PSMA8: variants seen among roughly 807,000 people sequenced by gnomAD.
The protein encoded by PSMA8 is proteasome 20S subunit alpha 8.
A neutral mutation model predicts 32.4 loss-of-function variants in PSMA8; 18 were observed. The ratio of observed to expected loss-of-function variants is 0.56; its 90% CI spans 0.38 to 0.82. The LOEUF (loss-of-function observed/expected upper bound fraction) is 0.82. PSMA8 is among the 40% of genes least tolerant of loss of function. The pLI, the probability that PSMA8 is intolerant of heterozygous loss-of-function variation, is 0.00. For missense variants in PSMA8, 298 were observed against 300.7 expected (o/e 0.99, Z 0.07); for synonymous variants, 104 against 98.1 (o/e 1.06, Z -0.36).
At chr18:26,169,958 A>C (rs1293974348) in intron 4 of PSMA8, among the ~76,000 whole-genome samples, 4 of 98,246 alleles carry the variant, frequency 4.1e-5, no homozygotes, top group Non-Finnish European at 6.9e-5. Context: ...CTTGCTATAG[A>C]GCAGCTGGAC....
At chr18:26,180,695 GACACACACACACAC>G (rs45627236) in intron 6 of PSMA8, among the ~76,000 whole-genome samples, 2 of 143,356 alleles carry the variant, frequency 1.4e-5, no homozygotes, top group African/African-American at 2.5e-5. Context: ...TATAAAAATA[GACACACACACACAC>G]ACACACACAC....
At chr18:26,156,190 C>T (rs556065517) in intron 3 of PSMA8, among the ~76,000 whole-genome samples, 3 of 152,268 alleles carry the variant, frequency 2.0e-5, no homozygotes, top group South Asian at 2.1e-4. Flanking sequence ...AACTCCCATA[C>T]GCTGTTGGTG....
At position 26,170,691 on chromosome 18, in the gene PSMA8, G is replaced by A. The variant is rs1193227583; in HGVS notation, c.478-8139G>A. 3.0e-5 allele frequency: 41 copies of A among 1,372,934 alleles called. 1 individual carries two copies. The highest frequency in any genetic ancestry group is 8.2e-5 in the African/African-American group (3 of 36,390). 85.0% of individuals were successfully genotyped at this position (1,372,934 alleles called of 1,614,324 possible). On this transcript the variant is annotated intron_variant, in intron 4 of 6. Transcript: ENST00000415576. ...AATACATACTTTTTTCAGAGGGAGG[G>A]GGAACAACTTAAACTAGAAAACACC...
At chr18:26,162,373 T>C (rs541475869) in intron 4 of PSMA8, among the ~76,000 whole-genome samples, 1 of 148,644 alleles carries the variant, frequency 6.7e-6, no homozygotes, top group African/African-American at 2.4e-5. Flanking sequence ...ATGAGTTCAT[T>C]TTTTTTTTTT....
At chr18:26,185,943 A>T (rs1437774747) in intron 6 of PSMA8, among the ~76,000 whole-genome samples, 8 of 150,402 alleles carry the variant, frequency 5.3e-5, no homozygotes, top group African/African-American at 2.0e-4. Flanking sequence ...CAGTGAAGTG[A>T]TCAAAAATGG....
intron 3 of PSMA8, among the ~76,000 whole-genome samples, 196 bp from the exon 4 acceptor site, chr18:26,157,926 G>A (rs1054773449): frequency 1.3e-5 from 2 of 152,142 alleles, no homozygotes; most frequent in African/African-American, 4.8e-5. Context: ...TGATTTTATT[G>A]TATAGACTGT....
chr18:26,143,249 T>C (rs1010143835), intron 1 of PSMA8, among the ~76,000 whole-genome samples: 4 of 152,220 alleles, frequency 2.6e-5, no homozygotes, highest in Non-Finnish European at 4.4e-5. Context: ...GTTTTCTCCA[T>C]GTACTCCAAT....
intron 4 of PSMA8, among the ~76,000 whole-genome samples, chr18:26,165,776 C>T (rs981317513): frequency 6.6e-6 from 1 of 152,038 alleles, no homozygotes; most frequent in African/African-American, 2.4e-5. Context: ...ATTTGACCTG[C>T]CAGATTTGCT....
chr18:26,171,383 C>T (rs2055219658), intron 4 of PSMA8: 1 of 1,256,810 alleles, frequency 8.0e-7, no homozygotes, highest in Non-Finnish European at 1.1e-6. Context: ...ACATACCAAG[C>T]AGACTAATAT....
intron 3 of PSMA8, among the ~76,000 whole-genome samples, chr18:26,153,649 T>C (rs558756048): frequency 4.5e-4 from 68 of 152,338 alleles, no homozygotes; most frequent in African/African-American, 1.6e-3. Flanking sequence ...TCTTTTGACA[T>C]GTACTCAAGT....
intron 4 of PSMA8, among the ~76,000 whole-genome samples, chr18:26,162,558 A>G (rs1371196985): frequency 3.3e-5 from 5 of 152,160 alleles, no homozygotes; most frequent in African/African-American, 1.2e-4. Flanking sequence ...TTTTTAATGC[A>G]TAGCTAAATA....
intron 6 of PSMA8, among the ~76,000 whole-genome samples, chr18:26,182,208 A>G (rs1361401770): frequency 6.6e-6 from 1 of 152,252 alleles, no homozygotes; most frequent in Non-Finnish European, 1.5e-5. Context: ...CAAGTTATCC[A>G]GAAGATCTAG....
intron 4 of PSMA8, among the ~76,000 whole-genome samples, chr18:26,160,213 A>G (rs1370771741): frequency 6.6e-6 from 1 of 152,182 alleles, no homozygotes; most frequent in Non-Finnish European, 1.5e-5. Context: ...GCTAATGTGG[A>G]AGGATCACTT....
At chr18:26,173,466 T>C (rs529906561) in intron 4 of PSMA8, among the ~76,000 whole-genome samples, 2 of 152,298 alleles carry the variant, frequency 1.3e-5, no homozygotes, top group African/African-American at 4.8e-5. Flanking sequence ...ACTAATGTAC[T>C]GTTTATTTTA....
chr18:26,192,431 G>T lies in PSMA8; in HGVS notation c.*20G>T. 1.3e-6 allele frequency: 2 copies of T among 1,517,972 alleles called. No individual in the cohort carries two copies. The highest frequency in any genetic ancestry group is 1.4e-5 in the South Asian group (1 of 72,960). The allele number at this position is 1,517,972 out of a possible 1,614,324, so 94.0% of individuals were successfully genotyped here. A position where few individuals can be genotyped will look rare whatever the true frequency, so the allele number is the denominator to read the frequency against. On this transcript the variant is annotated 3_prime_UTR_variant, in exon 7 of 7. Coordinates refer to ENST00000415576, the MANE Select transcript of PSMA8 (RefSeq NM_001025096.2). ...GTCTAATTCTTAGGATGACCACTGGGAGGTCTTAATGTTTTGTTTTATTGT... is the reference window on the plus strand; with the variant it reads ...GTCTAATTCTTAGGATGACCACTGGTAGGTCTTAATGTTTTGTTTTATTGT...
chr18:26,160,582 T>C (rs953998783), intron 4 of PSMA8, among the ~76,000 whole-genome samples: 3 of 152,234 alleles, frequency 2.0e-5, no homozygotes, highest in African/African-American at 7.2e-5. Flanking sequence ...TTTTTATGTC[T>C]GTTTGTTTTT....
chr18:26,149,865 A>G (rs1754803570), intron 2 of PSMA8, among the ~76,000 whole-genome samples: 1 of 152,242 alleles, frequency 6.6e-6, no homozygotes, highest in African/African-American at 2.4e-5. Flanking sequence ...TTTGGAAATG[A>G]TTTCTTGAAT....
rs1405615995 is a variant in PSMA8 at position 26,133,933 on chromosome 18, A to G, written c.-33A>G. Reference sequence around the variant, plus strand: ...CGCTTGCCTCAGCTGCAGCAGCGGGAAGCTCGGTGGCAAGCCCTTGTAGTC... The same window carrying G: ...CGCTTGCCTCAGCTGCAGCAGCGGGGAGCTCGGTGGCAAGCCCTTGTAGTC... On this transcript the variant is annotated 5_prime_UTR_variant, in exon 1 of 7. Coordinates refer to ENST00000415576, the MANE Select transcript of PSMA8 (RefSeq NM_001025096.2). The G allele has an allele frequency of 5.7e-6, 9 of 1,565,486 alleles. No individual in the cohort carries two copies. Among genetic ancestry groups the G allele is most frequent in the Admixed American group, 5.0e-5 (3 of 59,574 alleles).
chr18:26,179,187 G>C, intron 6 of PSMA8, 57 bp downstream of exon 6: 1 of 1,443,086 alleles, frequency 6.9e-7, no homozygotes, highest in Non-Finnish European at 9.6e-7. Context: ...TTTGACAAAA[G>C]TTAAAAAGTT....
Sources: allele counts gnomAD v4.1 joint callset (sites outside exome capture counted in the v4.1 genomes callset), GRCh38; gene constraint gnomAD v4.1.1; transcripts MANE v1.5; gene names NCBI Gene and HGNC (gene_info 2026-07-23, HGNC 2026-07-21).